Variants in RNGTT observed in about 807,000 individuals in gnomAD.
RNGTT encodes mRNA-capping enzyme.
RNGTT carries 33 observed loss-of-function variants against 79.3 expected under a neutral mutation model. The ratio of observed to expected loss-of-function variants is 0.42; its 90% confidence interval spans 0.32 to 0.56. RNGTT has a LOEUF of 0.56. RNGTT is among the 20% of genes least tolerant of loss of function. RNGTT has a pLI of 0.17. For missense variants in RNGTT, 497 were observed against 739.1 expected (o/e 0.67, Z 3.80); for synonymous variants, 222 against 235.9 (o/e 0.94, Z 0.54).
At chr6:88,807,815 A>C (rs1316978996) in intron 11 of RNGTT, among the ~76,000 whole-genome samples, 3 of 152,144 alleles carry the variant, frequency 2.0e-5, no homozygotes, top group Admixed American at 2.0e-4. Flanking sequence ...AAGGGGGAAA[A>C]GATTACAGGC....
Position 88,761,421 on chromosome 6 carries a change from G to C in RNGTT, c.1439+8353C>G, listed in dbSNP as rs558216815. ...CAGGAGAATCGCTTGAACCCGGGAGGTGGACGGTACAGTGAGCTGAGATTG... is the reference window on the plus strand; with the variant it reads ...CAGGAGAATCGCTTGAACCCGGGAGCTGGACGGTACAGTGAGCTGAGATTG... On this transcript the variant is annotated intron_variant, in intron 13 of 15. Coordinates refer to ENST00000369485, the MANE Select transcript of RNGTT (RefSeq NM_003800.5). 2.0e-5 allele frequency among the ~76,000 whole-genome samples: 3 copies of C among 152,196 alleles called. No individual in the cohort carries two copies. In the South Asian group the frequency reaches 6.2e-4, roughly 32 times the overall value.
intron 14 of RNGTT, among the ~76,000 whole-genome samples, chr6:88,650,651 C>T (rs1306448067): frequency 6.6e-6 from 1 of 152,016 alleles, no homozygotes; most frequent in Non-Finnish European, 1.5e-5. Context: ...CTGAGCTAAT[C>T]AGGGCACTCA....
chr6:88,861,733 G>A (rs1240690379), intron 8 of RNGTT, among the ~76,000 whole-genome samples: 1 of 151,998 alleles, frequency 6.6e-6, no homozygotes, highest in South Asian at 2.1e-4. Flanking sequence ...AAGAATCAGT[G>A]TCAAAACCCC....
At chr6:88,902,298 G>C (rs73506527) in intron 6 of RNGTT, among the ~76,000 whole-genome samples, 1 of 152,212 alleles carries the variant, frequency 6.6e-6, no homozygotes, top group African/African-American at 2.4e-5. Context: ...TGGAATAAAA[G>C]ATTGTAAAAT....
At chr6:88,934,349 C>G (rs747623743) in intron 2 of RNGTT, among the ~76,000 whole-genome samples, 39 of 152,278 alleles carry the variant, frequency 2.6e-4, no homozygotes, top group Non-Finnish European at 5.4e-4. Context: ...AATAGCCATT[C>G]TAACTGGTGC....
intron 9 of RNGTT, 64 bp downstream of exon 9, chr6:88,853,565 T>C (rs1781743563): frequency 1.8e-6 from 2 of 1,118,138 alleles, no homozygotes; most frequent in East Asian, 2.7e-5. Flanking sequence ...GAAATACACA[T>C]TTACTTACAA....
chr6:88,921,323 A>C (rs951835237), intron 4 of RNGTT, among the ~76,000 whole-genome samples: 2 of 152,168 alleles, frequency 1.3e-5, no homozygotes, highest in Admixed American at 1.3e-4. Flanking sequence ...GGTCTTTAAA[A>C]AAAAAAAAAG....
intron 13 of RNGTT, among the ~76,000 whole-genome samples, chr6:88,680,402 G>A (rs1468815972): frequency 1.3e-5 from 2 of 152,138 alleles, no homozygotes; most frequent in African/African-American, 4.8e-5. Context: ...ATGAAATAAG[G>A]TAGATATTTA....
intron 14 of RNGTT, among the ~76,000 whole-genome samples, chr6:88,622,241 T>C (rs1326936380): frequency 6.6e-6 from 1 of 152,168 alleles, no homozygotes; most frequent in African/African-American, 2.4e-5. Flanking sequence ...TACTCAAGTA[T>C]TAAACACCTA....
At chr6:88,675,617 A>G (rs548747950) in intron 14 of RNGTT, among the ~76,000 whole-genome samples, 115 of 152,074 alleles carry the variant, frequency 7.6e-4, no homozygotes, top group Non-Finnish European at 1.5e-3. Flanking sequence ...ACAATCATTT[A>G]TGTAGATAAT....
At chr6:88,831,222 A>T (rs1780852529) in intron 11 of RNGTT, among the ~76,000 whole-genome samples, 1 of 152,210 alleles carries the variant, frequency 6.6e-6, no homozygotes, top group Admixed American at 6.5e-5. Context: ...CCAGCAGCAC[A>T]TCAAAAAACT....
intron 6 of RNGTT, among the ~76,000 whole-genome samples, chr6:88,898,978 G>A (rs1783354304): frequency 6.6e-6 from 1 of 151,310 alleles, no homozygotes; most frequent in South Asian, 2.1e-4. Context: ...TATGAAAGTT[G>A]AAGGATTATA....
intron 1 of RNGTT, among the ~76,000 whole-genome samples, chr6:88,955,013 G>A (rs539151373): frequency 3.3e-5 from 5 of 152,094 alleles, no homozygotes; most frequent in South Asian, 4.1e-4. Context: ...AGCTGAGATC[G>A]TACCATTGCA....
chr6:88,700,160 C>A (rs138951532), intron 13 of RNGTT, among the ~76,000 whole-genome samples: 6 of 152,252 alleles, frequency 3.9e-5, no homozygotes, highest in African/African-American at 1.4e-4. Context: ...CCAGAAAAAT[C>A]TATTCCTAAA....
At chr6:88,720,983 T>C (rs1776690619) in intron 13 of RNGTT, among the ~76,000 whole-genome samples, 1 of 152,146 alleles carries the variant, frequency 6.6e-6, no homozygotes, top group Non-Finnish European at 1.5e-5. Flanking sequence ...CTCTACTTCT[T>C]TCCTCTCTTG....
intron 8 of RNGTT, among the ~76,000 whole-genome samples, chr6:88,860,266 C>G (rs1399492311): frequency 6.6e-6 from 1 of 152,170 alleles, no homozygotes; most frequent in Non-Finnish European, 1.5e-5. Context: ...GCTTCAGGAA[C>G]TGGGCATATT....
chr6:88,900,199 T>C (rs1290979897), intron 6 of RNGTT, among the ~76,000 whole-genome samples: 3 of 150,902 alleles, frequency 2.0e-5, no homozygotes, highest in African/African-American at 7.3e-5. Flanking sequence ...TAAAAAAAGA[T>C]CCACAGGAGA....
intron 12 of RNGTT, among the ~76,000 whole-genome samples, chr6:88,789,319 T>G (rs1469397552): frequency 6.6e-6 from 1 of 152,126 alleles, no homozygotes; most frequent in Non-Finnish European, 1.5e-5. Flanking sequence ...CTCAGCATTT[T>G]GGGAGGCCAA....
Position 88,819,675 on chromosome 6 carries a change from T to C in RNGTT, c.1270-18043A>G, listed in dbSNP as rs537780399. 3.9e-5 allele frequency among the ~76,000 whole-genome samples: 6 copies of C among 152,248 alleles called. No homozygotes were observed. The East Asian group carries it at 1.2e-3, about 29-fold the overall frequency. The stretch of plus-strand genomic sequence containing the variant: ...TGTATGCTACCATACATGTGGACAA[T>C]CTACTCAGCATCCTAGTGTCCAAGA... On this transcript the variant is annotated intron_variant, in intron 11 of 15. Transcript: ENST00000369485.
Sources: allele counts gnomAD v4.1 joint callset (sites outside exome capture counted in the v4.1 genomes callset), GRCh38; gene constraint gnomAD v4.1.1; transcripts MANE v1.5; gene names NCBI Gene and HGNC (gene_info 2026-07-23, HGNC 2026-07-21).